ARHGAP42: variants seen among roughly 807,000 people sequenced by gnomAD.
ARHGAP42 encodes the protein rho GTPase-activating protein 42.
In ARHGAP42, 63 loss-of-function variants were observed where a neutral mutation model predicts 125.0. That is an observed-to-expected ratio of 0.50 (90% confidence interval 0.41 to 0.62). ARHGAP42 has a LOEUF of 0.62. ARHGAP42 is among the 20% of genes least tolerant of loss of function. ARHGAP42 has a pLI of 0.00. For synonymous variants in ARHGAP42, 339 were observed against 351.0 expected, an observed-to-expected ratio of 0.97 and a Z score of 0.38; for missense variants, 766 against 1,024.2, an observed-to-expected ratio of 0.75 and a Z score of 3.44.
At chr11:100,967,423 T>C (rs965658819) in intron 17 of ARHGAP42, among the ~76,000 whole-genome samples, 8 of 152,198 alleles carry the variant, frequency 5.3e-5, no homozygotes, top group Admixed American at 4.6e-4. Flanking sequence ...ATTATGGAAT[T>C]TCTTTTGAAT....
intron 22 of ARHGAP42, among the ~76,000 whole-genome samples, chr11:100,985,053 T>C (rs1345160513): frequency 1.1e-4 from 17 of 152,172 alleles, no homozygotes; most frequent in African/African-American, 1.7e-4. Context: ...TTTAACAATA[T>C]GTATGTCTTT....
In ARHGAP42 at chr11:100,752,297, G is replaced by A. The variant is rs533853529; in HGVS notation, c.155-18046G>A. Among the ~76,000 whole-genome samples, 3 of 152,296 alleles carry A rather than the reference G, an allele frequency of 2.0e-5. No individual in the cohort carries two copies. In the East Asian group the frequency reaches 5.8e-4, roughly 29 times the overall value. On this transcript the variant is annotated intron_variant, in intron 1 of 23. Transcript: ENST00000298815. ...TCACAGTCATGGATGAGGGGTAAAA[G>A]AAGTTCCCTTTTCCAAGGCCCTTCA... is the stretch of plus-strand genomic sequence containing the variant.
intron 1 of ARHGAP42, among the ~76,000 whole-genome samples, chr11:100,751,903 C>T (rs559878127): frequency 1.3e-5 from 2 of 151,736 alleles, no homozygotes; most frequent in African/African-American, 4.8e-5. Context: ...CCTCACCCTC[C>T]CGAGTAGCTG....
chr11:100,795,525 T>C (rs1001053635), intron 3 of ARHGAP42, among the ~76,000 whole-genome samples: 8 of 152,160 alleles, frequency 5.3e-5, no homozygotes, highest in African/African-American at 1.9e-4. Context: ...GTTTCAAATG[T>C]TTGAGACAAT....
intron 3 of ARHGAP42, among the ~76,000 whole-genome samples, chr11:100,822,069 T>A (rs1386401638): frequency 1.3e-5 from 2 of 152,140 alleles, no homozygotes; most frequent in Admixed American, 6.6e-5. Flanking sequence ...TCTAAGGGAA[T>A]CCTTCCATAA....
At chr11:100,779,549 TAC>T (rs1469894974) in intron 2 of ARHGAP42, among the ~76,000 whole-genome samples, 1 of 139,910 alleles carries the variant, frequency 7.1e-6, no homozygotes, top group African/African-American at 2.9e-5. Context: ...CGTATATATA[TAC>T]ATATACATAC....
chr11:100,925,197 T>G (rs1383505011), intron 6 of ARHGAP42, among the ~76,000 whole-genome samples: 3 of 151,992 alleles, frequency 2.0e-5, no homozygotes, highest in East Asian at 3.9e-4. Context: ...ATATTTTATA[T>G]AGAAAGGGAT....
At chr11:100,890,910 G>A (rs117191885) in intron 4 of ARHGAP42, among the ~76,000 whole-genome samples, 1 of 152,246 alleles carries the variant, frequency 6.6e-6, no homozygotes, top group Non-Finnish European at 1.5e-5. Context: ...CCAAGTCTTG[G>A]GAAGCTGCCC....
intron 3 of ARHGAP42, among the ~76,000 whole-genome samples, chr11:100,843,422 T>A (rs1028771456): frequency 4.6e-5 from 7 of 152,062 alleles, no homozygotes; most frequent in African/African-American, 7.2e-5. Flanking sequence ...TTACCACTTC[T>A]CTTCAGTATA....
At chr11:100,980,509 A>C (rs1858506782) in intron 22 of ARHGAP42, among the ~76,000 whole-genome samples, 1 of 150,408 alleles carries the variant, frequency 6.6e-6, no homozygotes, top group African/African-American at 2.4e-5. Flanking sequence ...ATCATATAAT[A>C]AAAATACACT....
At position 100,687,847 on chromosome 11, in the gene ARHGAP42, C is replaced by T; in HGVS notation, c.154+15C>T. On this transcript the variant is annotated intron_variant, in intron 1 of 23. Coordinates refer to ENST00000298815, the MANE Select transcript of ARHGAP42 (RefSeq NM_152432.4). ...GGCGTTGAGGAGTAAGTAGGGCTGGCGGGGGAGTGGACACCCGCATCTGGA... is the reference window on the plus strand; with the variant it reads ...GGCGTTGAGGAGTAAGTAGGGCTGGTGGGGGAGTGGACACCCGCATCTGGA... 1 of 1,538,432 alleles carries T rather than the reference C, an allele frequency of 6.5e-7. No individual in the cohort carries two copies. The highest frequency in any genetic ancestry group is 8.8e-7 in the Non-Finnish European group (1 of 1,138,926).
intron 3 of ARHGAP42, among the ~76,000 whole-genome samples, chr11:100,807,507 A>G (rs1342330080): frequency 3.3e-5 from 5 of 152,070 alleles, no homozygotes; most frequent in African/African-American, 9.7e-5. Context: ...TTTTATATAC[A>G]TGTTATTTGA....
At chr11:100,933,066 A>G (rs915664952) in intron 6 of ARHGAP42, 90 bp from the exon 7 acceptor site, 10 of 856,808 alleles carry the variant, frequency 1.2e-5, no homozygotes, top group African/African-American at 1.8e-5. Flanking sequence ...TTGAGGAATT[A>G]TAATGAAATA....
Position 100,992,167 on chromosome 11 carries a change from A to T in ARHGAP42, c.*3366A>T. 1.1e-6 allele frequency: 1 copy of T among 882,430 alleles called. No homozygotes were observed. The highest frequency in any genetic ancestry group is 1.7e-6 in the Non-Finnish European group (1 of 591,918). 54.7% of individuals were successfully genotyped at this position (882,430 alleles called of 1,614,324 possible). ...CAATTTCAAATTGTAGTGATACCTT[A>T]AATCATGTATTCAGGATGCCTTCTT... is the stretch of plus-strand genomic sequence containing the variant. On this transcript the variant is annotated 3_prime_UTR_variant, in exon 24 of 24. Coordinates refer to ENST00000298815, the MANE Select transcript of ARHGAP42 (RefSeq NM_152432.4).
At chr11:100,900,323 T>C (rs1866508642) in intron 4 of ARHGAP42, among the ~76,000 whole-genome samples, 1 of 152,200 alleles carries the variant, frequency 6.6e-6, no homozygotes, top group South Asian at 2.1e-4. Context: ...GACCTTTCTC[T>C]CTGGCTGTGC....
intron 3 of ARHGAP42, among the ~76,000 whole-genome samples, chr11:100,833,032 A>G (rs952067063): frequency 2.0e-5 from 3 of 152,226 alleles, no homozygotes; most frequent in Non-Finnish European, 2.9e-5. Context: ...GGCTTCTGAC[A>G]GAAGTCTAAC....
intron 3 of ARHGAP42, among the ~76,000 whole-genome samples, chr11:100,806,221 A>G (rs1591195820): frequency 1.3e-5 from 2 of 152,198 alleles, no homozygotes; most frequent in Admixed American, 1.3e-4. Flanking sequence ...CCATTCTTGA[A>G]CCCAGAATTT....
At chr11:100,742,880 T>A (rs1260335804) in intron 1 of ARHGAP42, among the ~76,000 whole-genome samples, 7 of 152,222 alleles carry the variant, frequency 4.6e-5, no homozygotes, top group Admixed American at 4.6e-4. Flanking sequence ...GATATAAGAA[T>A]AGCTACTCCT....
chr11:100,843,105 GA>G (rs1258546267), intron 3 of ARHGAP42, among the ~76,000 whole-genome samples: 1 of 151,890 alleles, frequency 6.6e-6, no homozygotes, highest in Non-Finnish European at 1.5e-5. Flanking sequence ...AAAATCCAAA[GA>G]AGCTCAAATA....
Sources: gnomAD v4.1 joint callset for allele counts (sites outside exome capture counted in the v4.1 genomes callset) on GRCh38, gnomAD v4.1.1 for gene constraint, MANE v1.5 for transcripts, NCBI Gene and HGNC (gene_info 2026-07-23, HGNC 2026-07-21) for gene names.